CWC15: variants seen among roughly 807,000 people sequenced by gnomAD.
CWC15 encodes spliceosome-associated protein CWC15 homolog.
CWC15 carries 12 observed loss-of-function variants against 28.4 expected under a neutral mutation model. The ratio of observed to expected loss-of-function variants is 0.42; its 90% CI spans 0.27 to 0.69. CWC15 has a LOEUF of 0.69. CWC15 is among the 30% of genes least tolerant of loss of function. The pLI, the probability that CWC15 is intolerant of heterozygous loss-of-function variation, is 0.23. For synonymous variants in CWC15, 92 were observed against 88.4 expected (o/e 1.04, Z -0.23); for missense variants, 192 against 271.5 (o/e 0.71, Z 2.06).
In CWC15 at chr11:94,968,048, T is replaced by C. The variant is rs186468405; in HGVS notation, c.442-1635A>G. ...GGAAAAAAGGCATAAACTCTTTCTATATTCAAACAGCAGGCATACTATGTT... is the reference window on the plus strand; with the variant it reads ...GGAAAAAAGGCATAAACTCTTTCTACATTCAAACAGCAGGCATACTATGTT... On this transcript the variant is annotated intron_variant, in intron 5 of 6. Coordinates refer to ENST00000279839, the MANE Select transcript of CWC15 (RefSeq NM_016403.4). Among the ~76,000 whole-genome samples, 5 of 152,366 alleles carry C rather than the reference T, an allele frequency of 3.3e-5. No homozygotes were observed. In the East Asian group the frequency reaches 9.6e-4, roughly 29 times the overall value.
chr11:94,972,791 T>G (rs1373470745), intron 1 of CWC15, among the ~76,000 whole-genome samples: 1 of 152,208 alleles, frequency 6.6e-6, no homozygotes, highest in Non-Finnish European at 1.5e-5. Context: ...AACCGTTTGT[T>G]GAGCCAATTT....
At chr11:94,970,581 AGAAGGG>A (rs1457464163) in intron 4 of CWC15, 1 of 193,930 alleles carries the variant, frequency 5.2e-6, no homozygotes, top group Non-Finnish European at 1.1e-5. Context: ...TTGCACTTAT[AGAAGGG>A]GACATATCTA....
At chr11:94,968,223 T>C (rs781898615) in intron 5 of CWC15, among the ~76,000 whole-genome samples, 16 of 152,182 alleles carry the variant, frequency 1.1e-4, no homozygotes, top group Non-Finnish European at 1.8e-4. Flanking sequence ...GTAGGTGTGA[T>C]AGAGGCTCCA....
intron 3 of CWC15, 64 bp from the exon 4 acceptor site, chr11:94,971,129 G>C (rs1565414587): frequency 3.5e-6 from 5 of 1,436,842 alleles, no homozygotes; most frequent in Admixed American, 1.7e-5. Context: ...AAATGTTTTA[G>C]GGACCTGTGA....
At chr11:94,971,107 C>T (rs1857713810) in intron 3 of CWC15, 42 bp from the exon 4 acceptor site, 2 of 1,522,918 alleles carry the variant, frequency 1.3e-6, no homozygotes, top group Non-Finnish European at 1.8e-6. Context: ...AAAACAAATA[C>T]TTCATTTCTT....
In CWC15 at chr11:94,971,406, T is replaced by C. The variant is rs1857717937; in HGVS notation, c.213A>G (p.Ala71=). Residue 71 remains alanine, a synonymous_variant, in exon 3 of 7, where the codon GCA becomes GCG. Coordinates refer to ENST00000279839, the MANE Select transcript of CWC15 (RefSeq NM_016403.4). ...TTGGACGATCCCTATTTTTCTCTCT[T>C]GCAGCAGCTCTCTCTCTTTCTTCCA... ...RELEERERAA[A]REKNRDRPTR... is the part of the protein sequence containing the mutation. 6.2e-7 allele frequency: 1 copy of C among 1,612,878 alleles called. No homozygotes were observed. Among genetic ancestry groups the C allele is most frequent in the Admixed American group, 1.7e-5 (1 of 59,932 alleles).
chr11:94,969,602 T>G (rs1857690787), intron 5 of CWC15, among the ~76,000 whole-genome samples: 1 of 152,190 alleles, frequency 6.6e-6, no homozygotes, highest in African/African-American at 2.4e-5. Context: ...TTATATAATA[T>G]CTACTGACTG....
chr11:94,970,887 A>G (rs1474067269), intron 4 of CWC15, 90 bp downstream of exon 4: 11 of 1,042,250 alleles, frequency 1.1e-5, no homozygotes, highest in Admixed American at 8.5e-5. Context: ...ACATAAATAT[A>G]TGTCACTTCT....
rs1857596055 is a variant in CWC15 at position 94,963,497 on chromosome 11, A to G, written c.578T>C (p.Val193Ala). The G allele has an allele frequency of 6.3e-7, 1 of 1,575,170 alleles. No individual in the cohort carries two copies. The highest frequency in any genetic ancestry group is 8.6e-7 in the Non-Finnish European group (1 of 1,159,056). ...KVKRRWDDDVVFKNCAKGVDD... is the reference protein window; with the variant it reads ...KVKRRWDDDVAFKNCAKGVDD... ...TACACCTTTTGCACAGTTCTTGAAG[A>G]CAACGTCATCATCCCACCTGAGGAA... Residue 193 changes from valine to alanine, a missense_variant, in exon 7 of 7, where the codon GTC (valine) becomes GCC (alanine). Transcript: ENST00000279839.
At chr11:94,963,746 C>T (rs1292623555) in intron 6 of CWC15, among the ~76,000 whole-genome samples, 1 of 152,076 alleles carries the variant, frequency 6.6e-6, no homozygotes, top group East Asian at 1.9e-4. Flanking sequence ...ATTATTTCTC[C>T]AGTAAAAGAA....
chr11:94,969,957 A>G, intron 5 of CWC15, 32 bp downstream of exon 5: 3 of 1,403,792 alleles, frequency 2.1e-6, no homozygotes, highest in Non-Finnish European at 2.8e-6. Flanking sequence ...ATGTGAGAAG[A>G]TAGATGTAAA....
chr11:94,971,447 C>A lies in CWC15; in HGVS notation c.172G>T (p.Asp58Tyr). The change falls in exon 3 of 7, where the codon GAC becomes TAC. Residue 58 changes from aspartate (D) to tyrosine (Y), a missense_variant. Physicochemically the swap from Asp to Tyr is radical, Grantham distance 160. Transcript: ENST00000279839. Reference protein sequence around the residue: ...QDAPEEVRNRDFRRELEERER... With the variant: ...QDAPEEVRNRYFRRELEERER... ...CTTTCTTCCAACTCTCTCCTGAAGT[C>A]ACGGTTACGAACCTCTTCAGGGGCA... 6.2e-7 allele frequency: 1 copy of A among 1,612,532 alleles called. No homozygotes were observed.
rs782713455 is a variant in CWC15 at position 94,966,288 on chromosome 11, A to G, written c.560+7T>C. On this transcript the variant is annotated splice_region_variant and intron_variant, in intron 6 of 6. Coordinates refer to ENST00000279839, the MANE Select transcript of CWC15 (RefSeq NM_016403.4). Reference sequence around the variant, plus strand: ...ACACACTCCATTACTCCGTTACTGTATAGTACCTTCTTTTAACTTTGAAGT... The same window carrying G: ...ACACACTCCATTACTCCGTTACTGTGTAGTACCTTCTTTTAACTTTGAAGT... 2.1e-6 allele frequency: 3 copies of G among 1,423,026 alleles called. No homozygotes were observed. Among genetic ancestry groups the G allele is most frequent in the South Asian group, 2.5e-5 (2 of 81,488 alleles). The allele number at this position is 1,423,026 out of a possible 1,614,324, so 88.1% of individuals were successfully genotyped here.
chr11:94,970,726 G>A, intron 4 of CWC15: 2 of 470,142 alleles, frequency 4.3e-6, no homozygotes, highest in Non-Finnish European at 7.7e-6. Flanking sequence ...TATTTTGGGG[G>A]AAAGCATATC....
intron 6 of CWC15, 55 bp downstream of exon 6, chr11:94,966,239 AC>A: frequency 1.2e-6 from 1 of 800,528 alleles, no homozygotes. Flanking sequence ...ACACACACAC[AC>A]ACACACACAC....
rs56759690 is a variant in CWC15 at position 94,967,598 on chromosome 11, C to A, written c.442-1185G>T. On this transcript the variant is annotated intron_variant, in intron 5 of 6. Transcript: ENST00000279839. ...AAGGAAAAACAGATGGTGTGGAAGT[C>A]ATTTAAAAAAAGTTATTATTTTAAT... is the stretch of plus-strand genomic sequence containing the variant. Among the ~76,000 whole-genome samples the A allele has an allele frequency of 7.1e-3, 1,077 of 152,232 alleles. 9 individuals are homozygous for A. Among genetic ancestry groups the A allele is most frequent in the African/African-American group, 0.024 (1,009 of 41,530 alleles).
chr11:94,967,051 C>CTTT lies in CWC15; in HGVS notation c.442-641_442-639dup, dbSNP rs55894842. On this transcript the variant is annotated intron_variant, in intron 5 of 6. Coordinates refer to ENST00000279839, the MANE Select transcript of CWC15 (RefSeq NM_016403.4). ...GTTTTTATTGTCTTACTGAGTTTTT[C>CTTT]TTTTTTTTTTTTTTGAGACGGAGTC... 1.8e-3 allele frequency among the ~76,000 whole-genome samples: 252 copies of CTTT among 142,978 alleles called. 3 individuals carry two copies. The highest frequency in any genetic ancestry group is 5.3e-3 in the African/African-American group (208 of 38,998). 93.8% of individuals were successfully genotyped at this position (142,978 alleles called of 152,430 possible). A position where few individuals can be genotyped will look rare whatever the true frequency, so the allele number is the denominator to read the frequency against.
At chr11:94,969,966 A>T in intron 5 of CWC15, 23 bp downstream of exon 5, 2 of 1,457,406 alleles carry the variant, frequency 1.4e-6, no homozygotes, top group Non-Finnish European at 1.8e-6. Flanking sequence ...GATAGATGTA[A>T]ATATTTAATA....
chr11:94,971,409 A>G lies in CWC15; in HGVS notation c.210T>C (p.Ala70=), dbSNP rs1857718118. The stretch of plus-strand genomic sequence containing the variant: ...GACGATCCCTATTTTTCTCTCTTGC[A>G]GCAGCTCTCTCTCTTTCTTCCAACT... ...RRELEERERA[A]AREKNRDRPT... Residue 70 remains alanine, a synonymous_variant, in exon 3 of 7, where the codon GCT becomes GCC. Transcript: ENST00000279839. The G allele has an allele frequency of 1.2e-6, 2 of 1,612,886 alleles. No individual in the cohort carries two copies. Among genetic ancestry groups the G allele is most frequent in the Non-Finnish European group, 8.5e-7 (1 of 1,179,460 alleles).
Sources: gnomAD v4.1 joint callset for allele counts (sites outside exome capture counted in the v4.1 genomes callset) on GRCh38, gnomAD v4.1.1 for gene constraint, MANE v1.5 for transcripts, NCBI Gene and HGNC (gene_info 2026-07-23, HGNC 2026-07-21) for gene names.